BCL2: variants seen among roughly 807,000 people sequenced by gnomAD.
The protein encoded by BCL2 is BCL2 apoptosis regulator.
In BCL2, 1 loss-of-function variant was observed where a neutral mutation model predicts 14.2. That is an observed-to-expected ratio of 0.07 (90% CI 0.02 to 0.33). The LOEUF is 0.33. Among genes scored for constraint, BCL2 ranks in the 10% least tolerant of loss-of-function variants. The pLI is 0.99. For synonymous variants in BCL2, 151 were observed against 137.2 expected (o/e 1.10, Z -0.70); for missense variants, 247 against 305.9 (o/e 0.81, Z 1.44).
chr18:63,227,041 C>A, intron 2 of BCL2, among the ~76,000 whole-genome samples: 1 of 149,652 alleles, frequency 6.7e-6, no homozygotes, highest in African/African-American at 2.5e-5. Flanking sequence ...CGCAGATCAC[C>A]AAAGATAAAA....
intron 2 of BCL2, among the ~76,000 whole-genome samples, chr18:63,236,256 C>A (rs919400895): frequency 2.6e-5 from 4 of 152,178 alleles, no homozygotes; most frequent in African/African-American, 9.7e-5. Context: ...TTACAAATTA[C>A]CCAGTCTCGG....
chr18:63,314,211 A>G (rs1913423710), intron 2 of BCL2: 1 of 152,228 alleles, frequency 6.6e-6, no homozygotes, highest in Non-Finnish European at 1.5e-5. Context: ...ATTTAAGACT[A>G]GATCATCTTC....
At chr18:63,275,743 T>A (rs3810029) in intron 2 of BCL2, among the ~76,000 whole-genome samples, 1 of 152,342 alleles carries the variant, frequency 6.6e-6, no homozygotes, top group East Asian at 1.9e-4. Flanking sequence ...GCATCTGCCA[T>A]GGCCAACCCT....
intron 2 of BCL2, among the ~76,000 whole-genome samples, chr18:63,298,502 C>A (rs1017165155): frequency 1.3e-5 from 2 of 152,222 alleles, no homozygotes; most frequent in African/African-American, 4.8e-5. Flanking sequence ...ACACTCATCC[C>A]TTTCTTTGGG....
chr18:63,177,944 G>A (rs1341317303), intron 2 of BCL2, among the ~76,000 whole-genome samples: 4 of 152,124 alleles, frequency 2.6e-5, no homozygotes, highest in Admixed American at 6.5e-5. Flanking sequence ...GCCCCGCCAG[G>A]TCAGCCTGCA....
intron 2 of BCL2, among the ~76,000 whole-genome samples, chr18:63,205,809 C>T (rs1187210061): frequency 1.3e-5 from 2 of 152,050 alleles, no homozygotes; most frequent in Admixed American, 1.3e-4. Context: ...CTAAGCCACC[C>T]GAATAAGTGG....
At chr18:63,290,940 C>T (rs568266958) in intron 2 of BCL2, among the ~76,000 whole-genome samples, 9 of 152,224 alleles carry the variant, frequency 5.9e-5, no homozygotes, top group African/African-American at 1.9e-4. Flanking sequence ...CAAAAGCCTC[C>T]GAGATGGTGA....
chr18:63,191,950 T>C (rs978224795), intron 2 of BCL2, among the ~76,000 whole-genome samples: 4 of 152,226 alleles, frequency 2.6e-5, no homozygotes, highest in African/African-American at 9.6e-5. Flanking sequence ...TTTGTTACAT[T>C]TAAATCATCT....
chr18:63,255,216 C>T lies in BCL2; in HGVS notation c.585+62866G>A, dbSNP rs190410453. 5.9e-5 allele frequency among the ~76,000 whole-genome samples: 9 copies of T among 152,306 alleles called. No homozygotes were observed. In the East Asian group the frequency reaches 1.3e-3, roughly 23 times the overall value. ...CAGCACTTGTCACCTTCTCTAGTTT[C>T]ATAATTCATAACTTTTCTGTGGTAT... is the stretch of plus-strand genomic sequence containing the variant. On this transcript the variant is annotated intron_variant, in intron 2 of 2. Coordinates refer to ENST00000333681, the MANE Select transcript of BCL2 (RefSeq NM_000633.3).
At position 63,197,070 on chromosome 18, in the gene BCL2, C is replaced by T. The variant is rs1279016994; in HGVS notation, c.586-68311G>A. Among the ~76,000 whole-genome samples, 3 of 152,266 alleles carry T rather than the reference C, an allele frequency of 2.0e-5. No homozygotes were observed. The East Asian group carries it at 5.8e-4, about 29-fold the overall frequency. On this transcript the variant is annotated intron_variant, in intron 2 of 2. Coordinates refer to ENST00000333681, the MANE Select transcript of BCL2 (RefSeq NM_000633.3). ...ATTTCTTGCAACAGAAATAGGATGA[C>T]GATAAATACAGGTGAGAGAAAATAA...
At chr18:63,189,940 T>C (rs1909242220) in intron 2 of BCL2, among the ~76,000 whole-genome samples, 1 of 152,194 alleles carries the variant, frequency 6.6e-6, no homozygotes, top group Non-Finnish European at 1.5e-5. Context: ...AAATCTGTTG[T>C]GGAAAAGTGG....
intron 2 of BCL2, among the ~76,000 whole-genome samples, chr18:63,274,880 T>G (rs1346855794): frequency 1.3e-5 from 2 of 152,184 alleles, no homozygotes; most frequent in African/African-American, 4.8e-5. Flanking sequence ...AACCAAAAAT[T>G]CTGAATCCAG....
At chr18:63,181,711 C>T (rs1915484962) in intron 2 of BCL2, among the ~76,000 whole-genome samples, 1 of 152,208 alleles carries the variant, frequency 6.6e-6, no homozygotes, top group Non-Finnish European at 1.5e-5. Flanking sequence ...CCTATCAAAT[C>T]CACATGACAA....
At chr18:63,165,955 TCG>T (rs973538001) in intron 2 of BCL2, among the ~76,000 whole-genome samples, 7 of 152,254 alleles carry the variant, frequency 4.6e-5, no homozygotes, top group Non-Finnish European at 1.0e-4. Flanking sequence ...GTTTGCTGGA[TCG>T]CTTTAAAGCT....
In BCL2 at chr18:63,128,594, T is replaced by A. The variant is rs1428201627; in HGVS notation, c.*31A>T. ...ATTTCTACTGCTTTAGTGAACCTTT[T>A]GCATATTTGTTTGGGGCAGGCATGT... On this transcript the variant is annotated 3_prime_UTR_variant, in exon 3 of 3. Transcript: ENST00000333681. 3.9e-6 allele frequency: 3 copies of A among 777,750 alleles called. No individual in the cohort carries two copies. The highest frequency in any genetic ancestry group is 7.2e-6 in the Non-Finnish European group (3 of 416,070). The allele number at this position is 777,750 out of a possible 1,614,324, so 48.2% of individuals were successfully genotyped here. A position where few individuals can be genotyped will look rare whatever the true frequency, so the allele number is the denominator to read the frequency against.
intron 2 of BCL2, among the ~76,000 whole-genome samples, chr18:63,272,695 C>T (rs1912037982): frequency 1.3e-5 from 2 of 152,152 alleles, no homozygotes; most frequent in Admixed American, 1.3e-4. Flanking sequence ...GACACTTTAA[C>T]TCATGTGTTT....
intron 2 of BCL2, among the ~76,000 whole-genome samples, chr18:63,165,824 G>A (rs1568220999): frequency 6.6e-6 from 1 of 152,126 alleles, no homozygotes; most frequent in South Asian, 2.1e-4. Flanking sequence ...AAGCCCGAGG[G>A]GATGTCCGAA....
At chr18:63,144,256 A>G (rs760478859) in intron 2 of BCL2, among the ~76,000 whole-genome samples, 1 of 152,170 alleles carries the variant, frequency 6.6e-6, no homozygotes, top group Admixed American at 6.5e-5. Flanking sequence ...CCACTTTAAA[A>G]AGTATTTATT....
intron 2 of BCL2, among the ~76,000 whole-genome samples, chr18:63,225,300 G>A (rs1279862843): frequency 6.6e-6 from 1 of 152,068 alleles, no homozygotes; most frequent in African/African-American, 2.4e-5. Flanking sequence ...GAGGGGAGAG[G>A]AAGCTGTGGA....
Sources: gnomAD v4.1 joint callset for allele counts (sites outside exome capture counted in the v4.1 genomes callset) on GRCh38, gnomAD v4.1.1 for gene constraint, MANE v1.5 for transcripts, NCBI Gene and HGNC (gene_info 2026-07-23, HGNC 2026-07-21) for gene names.